The following NTM variants were observed in gnomAD, a reference collection of about 807,000 sequenced individuals.
NTM encodes neurotrimin, also known as IgLON family member 2.
A neutral mutation model predicts 42.1 loss-of-function variants in NTM; 13 were observed. The observed-to-expected ratio is 0.31, with a 90% CI of 0.20 to 0.49. The LOEUF (loss-of-function observed/expected upper bound fraction) is 0.49. Among genes scored for constraint, NTM ranks in the 20% least tolerant of loss-of-function variants. NTM has a pLI of 0.99. For missense variants in NTM, 373 were observed against 452.8 expected (o/e 0.82, Z 1.60); for synonymous variants, 187 against 179.2 (o/e 1.04, Z -0.35).
intron 2 of NTM, among the ~76,000 whole-genome samples, chr11:132,055,500 A>G (rs1274997633): frequency 1.3e-5 from 2 of 152,206 alleles, no homozygotes; most frequent in Non-Finnish European, 2.9e-5. Context: ...GCTTTTTGGC[A>G]CATTAACCCT....
At chr11:131,807,415 G>A (rs1422507262) in intron 1 of NTM, among the ~76,000 whole-genome samples, 1 of 152,194 alleles carries the variant, frequency 6.6e-6, no homozygotes, top group African/African-American at 2.4e-5. Flanking sequence ...GGAAAGTAGT[G>A]CTAAGAACAG....
intron 1 of NTM, among the ~76,000 whole-genome samples, chr11:131,909,248 CT>C (rs1242631233): frequency 6.6e-6 from 1 of 152,142 alleles, no homozygotes; most frequent in African/African-American, 2.4e-5. Context: ...TGTCCTATCT[CT>C]ATAGTTAGTG....
intron 1 of NTM, among the ~76,000 whole-genome samples, chr11:131,567,980 C>T (rs1198407342): frequency 1.3e-5 from 2 of 152,284 alleles, no homozygotes; most frequent in Middle Eastern, 3.4e-3. Flanking sequence ...TGATGGCATC[C>T]TTATTATTAC....
chr11:131,655,042 G>A (rs911675219), intron 1 of NTM, among the ~76,000 whole-genome samples: 3 of 152,216 alleles, frequency 2.0e-5, no homozygotes, highest in African/African-American at 4.8e-5. Context: ...CCCCGCCCCC[G>A]CCACTCCGCC....
intron 3 of NTM, among the ~76,000 whole-genome samples, chr11:132,171,425 C>T (rs1052734887): frequency 6.6e-6 from 1 of 152,192 alleles, no homozygotes; most frequent in African/African-American, 2.4e-5. Flanking sequence ...CTTCCTGGCT[C>T]ATTGATGACG....
chr11:131,782,536 G>T (rs1311990819), intron 1 of NTM, among the ~76,000 whole-genome samples: 1 of 151,896 alleles, frequency 6.6e-6, no homozygotes, highest in Non-Finnish European at 1.5e-5. Context: ...CAAAATCAAA[G>T]AAATTACAAG....
intron 1 of NTM, among the ~76,000 whole-genome samples, chr11:131,575,344 G>C (rs543992035): frequency 6.6e-6 from 1 of 152,176 alleles, no homozygotes; most frequent in South Asian, 2.1e-4. Flanking sequence ...TACACTTACA[G>C]TATATGTCTT....
chr11:132,096,469 A>G (rs1171357515), intron 2 of NTM, among the ~76,000 whole-genome samples: 3 of 152,212 alleles, frequency 2.0e-5, no homozygotes, highest in Non-Finnish European at 4.4e-5. Context: ...GGGAATAGAA[A>G]TAGAACCCCA....
intron 2 of NTM, among the ~76,000 whole-genome samples, chr11:131,957,299 T>C (rs2061657091): frequency 6.6e-6 from 1 of 152,200 alleles, no homozygotes; most frequent in Admixed American, 6.5e-5. Flanking sequence ...TTCTAGTTAA[T>C]TTTTCTGTGA....
At chr11:131,973,427 C>T (rs565359698) in intron 2 of NTM, among the ~76,000 whole-genome samples, 3 of 152,350 alleles carry the variant, frequency 2.0e-5, no homozygotes, top group African/African-American at 7.2e-5. Flanking sequence ...TTTATTAGTG[C>T]TTCTCATGTG....
At chr11:131,422,563 A>G (rs1239450405) in intron 1 of NTM, among the ~76,000 whole-genome samples, 1 of 152,232 alleles carries the variant, frequency 6.6e-6, no homozygotes, top group African/African-American at 2.4e-5. Flanking sequence ...AATCCCCCAA[A>G]TTAACAAGCA....
intron 1 of NTM, among the ~76,000 whole-genome samples, chr11:131,834,164 C>A (rs114401742): frequency 1.3e-5 from 2 of 152,084 alleles, no homozygotes; most frequent in Non-Finnish European, 2.9e-5. Flanking sequence ...TTCTCTGCCA[C>A]GGTGCTACTC....
intron 1 of NTM, among the ~76,000 whole-genome samples, chr11:131,890,630 C>G (rs1253086527): frequency 6.6e-6 from 1 of 152,132 alleles, no homozygotes; most frequent in East Asian, 1.9e-4. Context: ...GCAGAATTCT[C>G]TGAACAACTT....
At position 132,320,835 on chromosome 11, in the gene NTM, G is replaced by A. The variant is rs367842014; in HGVS notation, c.934+6132G>A. On this transcript the variant is annotated intron_variant, in intron 7 of 8. Coordinates refer to ENST00000683400, the MANE Select transcript of NTM (RefSeq NM_001352005.2). ...AGTACGCAGCTGGAGATCTGAGAAC[G>A]GGCAGACTGCCTCCTCAAGTGGGTC... Among the ~76,000 whole-genome samples the A allele has an allele frequency of 8.5e-3, 1,290 of 151,252 alleles. 14 individuals carry two copies. Among genetic ancestry groups the A allele is most frequent in the African/African-American group, 0.015 (633 of 40,928 alleles).
chr11:131,791,104 C>G (rs2090869801), intron 1 of NTM, among the ~76,000 whole-genome samples: 2 of 152,110 alleles, frequency 1.3e-5, no homozygotes, highest in Admixed American at 1.3e-4. Context: ...CAAAAAACAA[C>G]AACAAAACTA....
chr11:131,496,337 A>C (rs7925562), intron 1 of NTM, among the ~76,000 whole-genome samples: 164 of 152,338 alleles, frequency 1.1e-3, no homozygotes, highest in African/African-American at 3.9e-3. Flanking sequence ...GTGATGCTGC[A>C]TCTGTGCACC....
At position 131,691,948 on chromosome 11, in the gene NTM, A is replaced by G. The variant is rs1444444599; in HGVS notation, c.83-219616A>G. Among the ~76,000 whole-genome samples the G allele has an allele frequency of 2.0e-5, 3 of 152,134 alleles. No individual in the cohort carries two copies. In the East Asian group the frequency reaches 5.8e-4, roughly 30 times the overall value. ...AACACTATGGCATCTGATCGAGAAA[A>G]AAGAGGGAGCTGGACCCCCTCCTGG... is the stretch of plus-strand genomic sequence containing the variant. On this transcript the variant is annotated intron_variant, in intron 1 of 8. Transcript: ENST00000683400.
chr11:131,437,982 G>A (rs1949291313), intron 1 of NTM, among the ~76,000 whole-genome samples: 1 of 152,188 alleles, frequency 6.6e-6, no homozygotes, highest in Admixed American at 6.5e-5. Flanking sequence ...GCCTGGTGGT[G>A]AGAAAATCTC....
chr11:132,249,963 C>T (rs1192464536), intron 4 of NTM, among the ~76,000 whole-genome samples: 1 of 152,150 alleles, frequency 6.6e-6, no homozygotes, highest in Non-Finnish European at 1.5e-5. Flanking sequence ...ACCAATTTAT[C>T]ACCTTCTTTC....
Sources: allele counts gnomAD v4.1 joint callset (sites outside exome capture counted in the v4.1 genomes callset), GRCh38; gene constraint gnomAD v4.1.1; transcripts MANE v1.5; gene names NCBI Gene and HGNC (gene_info 2026-07-23, HGNC 2026-07-21).